CCDC88A: variants seen among roughly 807,000 people sequenced by gnomAD.
CCDC88A encodes coiled-coil and HOOK domain protein 88A.
A neutral mutation model predicts 234.3 loss-of-function variants in CCDC88A; 54 were observed. The ratio of observed to expected loss-of-function variants is 0.23; its 90% CI spans 0.19 to 0.29. The LOEUF is 0.29. CCDC88A is among the 10% of genes least tolerant of loss of function. The pLI is 1.00. For synonymous variants in CCDC88A, 753 were observed against 737.8 expected, an observed-to-expected ratio of 1.02 and a Z score of -0.33; for missense variants, 1,832 against 2,123.4, an observed-to-expected ratio of 0.86 and a Z score of 2.70.
intron 2 of CCDC88A, among the ~76,000 whole-genome samples, chr2:55,412,440 T>C (rs962694571): frequency 6.6e-6 from 1 of 152,188 alleles, no homozygotes; most frequent in Admixed American, 6.5e-5. Flanking sequence ...AGATCAGTGG[T>C]GGGCGGGCAA....
At chr2:55,369,141 TCTC>T (rs1236211265) in intron 5 of CCDC88A, among the ~76,000 whole-genome samples, 1 of 151,728 alleles carries the variant, frequency 6.6e-6, no homozygotes, top group Admixed American at 6.6e-5. Context: ...TTCCAGCAAT[TCTC>T]CTGCCTCAAC....
chr2:55,374,424 C>T (rs931780346), intron 4 of CCDC88A, among the ~76,000 whole-genome samples: 4 of 151,992 alleles, frequency 2.6e-5, no homozygotes, highest in Non-Finnish European at 5.9e-5. Flanking sequence ...AAGATTCAAA[C>T]AATTTTGGCA....
chr2:55,414,609 T>C (rs1681038400), intron 2 of CCDC88A, among the ~76,000 whole-genome samples: 1 of 152,156 alleles, frequency 6.6e-6, no homozygotes, highest in African/African-American at 2.4e-5. Context: ...AAATCTCAAG[T>C]CAGTGAAAAG....
At position 55,346,227 on chromosome 2, in the gene CCDC88A, C is replaced by G; in HGVS notation, c.989G>C (p.Ser330Thr). Residue 330 changes from serine (S) to threonine (T), a missense_variant, in exon 10 of 33, where the codon AGC becomes ACC. Physicochemically the swap from Ser to Thr is moderately conservative, Grantham distance 58. This residue lies in a region of CCDC88A where 1,282 missense variants were observed against 1,543.6 expected (regional missense o/e 0.83). Coordinates refer to ENST00000436346, the MANE Select transcript of CCDC88A (RefSeq NM_001365480.1). ...ATCATGTAGTCTCTCTTTATATCTG[C>G]TGACTTCACTTTCAAGCTTATCGAC... ...VRVDKLESEV[S>T]RYKERLHDIE... 1 of 1,611,584 alleles carries G rather than the reference C, an allele frequency of 6.2e-7. No individual in the cohort carries two copies. Among genetic ancestry groups the G allele is most frequent in the Non-Finnish European group, 8.5e-7 (1 of 1,178,122 alleles).
At chr2:55,313,458 T>C (rs560074688) in intron 22 of CCDC88A, 3 of 152,220 alleles carry the variant, frequency 2.0e-5, no homozygotes, top group Non-Finnish European at 4.4e-5. Flanking sequence ...CAATAGTTGG[T>C]ATTAACAGCT....
Position 55,317,872 on chromosome 2 carries a change from A to C in CCDC88A, c.3325-31T>G, listed in dbSNP as rs773798643. Reference sequence around the variant, plus strand: ...AGAATATATATTGTTATCAGACATAAGAAAAACAGTTCATGTTCTTTTTCA... The same window carrying C: ...AGAATATATATTGTTATCAGACATACGAAAAACAGTTCATGTTCTTTTTCA... On this transcript the variant is annotated intron_variant, in intron 19 of 32. Coordinates refer to ENST00000436346, the MANE Select transcript of CCDC88A (RefSeq NM_001365480.1). The surrounding 1 kb of genome is among the most constrained non-coding windows in gnomAD (Gnocchi z 4.2). 1.4e-6 allele frequency: 2 copies of C among 1,419,594 alleles called. No individual in the cohort carries two copies. Among genetic ancestry groups the C allele is most frequent in the Admixed American group, 4.2e-5 (2 of 47,366 alleles). The allele number at this position is 1,419,594 out of a possible 1,614,324, so 87.9% of individuals were successfully genotyped here.
intron 5 of CCDC88A, among the ~76,000 whole-genome samples, chr2:55,368,306 A>G (rs1211395846): frequency 6.6e-6 from 1 of 152,200 alleles, no homozygotes; most frequent in East Asian, 1.9e-4. Flanking sequence ...ATTAAAAGTC[A>G]TAATTTATTT....
At chr2:55,347,462 A>G (rs182014342) in intron 9 of CCDC88A, among the ~76,000 whole-genome samples, 16 of 152,320 alleles carry the variant, frequency 1.1e-4, no homozygotes, top group Non-Finnish European at 2.2e-4. Flanking sequence ...AGAAACAGCT[A>G]TGAGAATATA....
At chr2:55,303,034 C>A (rs1240452970) in intron 26 of CCDC88A, 35 bp downstream of exon 26, 9 of 1,261,550 alleles carry the variant, frequency 7.1e-6, no homozygotes, top group South Asian at 1.3e-5. Context: ...CCAGTGTAGT[C>A]AGTTGAAAGA....
At chr2:55,358,349 T>C (rs1670859808) in intron 7 of CCDC88A, among the ~76,000 whole-genome samples, 1 of 152,176 alleles carries the variant, frequency 6.6e-6, no homozygotes, top group South Asian at 2.1e-4. Flanking sequence ...TCTATCGCTG[T>C]TATCCTCCTG....
intron 8 of CCDC88A, chr2:55,349,862 A>G (rs1023948898): frequency 3.6e-6 from 1 of 274,954 alleles, no homozygotes; most frequent in Non-Finnish European, 6.6e-6. Context: ...CTCTCTTTTC[A>G]TCTTTCCTGC....
Position 55,297,347 on chromosome 2 carries a change from T to TTATATATAAATATATAATATATAA in CCDC88A, c.4826-825_4826-824insTTATATATTATATATTTATATATA, listed in dbSNP as rs1680244029. Among the ~76,000 whole-genome samples, 3 of 105,818 alleles carry TTATATATAAATATATAATATATAA rather than the reference T, an allele frequency of 2.8e-5. No homozygotes were observed. The South Asian group carries it at 6.8e-4, about 24-fold the overall frequency. The allele number at this position is 105,818 out of a possible 152,430, so 69.4% of individuals were successfully genotyped here. ...AATATATAATATATAAATTTATATA[T>TTATATATAAATATATAATATATAA]TATATATAAATATATATAATATATA... On this transcript the variant is annotated intron_variant, in intron 29 of 32. Coordinates refer to ENST00000436346, the MANE Select transcript of CCDC88A (RefSeq NM_001365480.1).
At chr2:55,388,448 TTA>T (rs552524627) in intron 3 of CCDC88A, 5,125 of 64,236 alleles carry the variant, frequency 0.08, 130 homozygotes, top group South Asian at 0.17. Context: ...GGTTTTTTTT[TTA>T]AAAAAAATGG....
Position 55,389,639 on chromosome 2 carries a change from A to G in CCDC88A, c.165-753T>C, listed in dbSNP as rs575096785. Among the ~76,000 whole-genome samples, 3 of 152,298 alleles carry G rather than the reference A, an allele frequency of 2.0e-5. No individual in the cohort carries two copies. The East Asian group carries it at 5.8e-4, about 29-fold the overall frequency. Reference sequence around the variant, plus strand: ...TTAGAATCTATGGTGCTTTATTTCCATAATTCTCAAACTTTTAGGTCTCAA... The same window carrying G: ...TTAGAATCTATGGTGCTTTATTTCCGTAATTCTCAAACTTTTAGGTCTCAA... On this transcript the variant is annotated intron_variant, in intron 2 of 32. Coordinates refer to ENST00000436346, the MANE Select transcript of CCDC88A (RefSeq NM_001365480.1).
chr2:55,330,304 T>C (rs899714542), intron 16 of CCDC88A: 1 of 151,906 alleles, frequency 6.6e-6, no homozygotes, highest in African/African-American at 2.4e-5. Flanking sequence ...GAGACCAGCC[T>C]GGCCAGTAAA....
intron 13 of CCDC88A, among the ~76,000 whole-genome samples, chr2:55,338,620 T>G (rs1668085240): frequency 6.6e-6 from 1 of 152,234 alleles, no homozygotes; most frequent in Non-Finnish European, 1.5e-5. Context: ...TAAGGGCTAA[T>G]TTCAGAGAAA....
chr2:55,351,621 T>A (rs1463698206), intron 8 of CCDC88A, among the ~76,000 whole-genome samples: 1 of 152,334 alleles, frequency 6.6e-6, no homozygotes, highest in Admixed American at 6.5e-5. Flanking sequence ...GCTGGAATTA[T>A]AGGCGTAAGC....
At position 55,317,289 on chromosome 2, in the gene CCDC88A, T is replaced by C. The variant is rs1683107469; in HGVS notation, c.3663A>G (p.Val1221=). 2 of 1,557,192 alleles carry C rather than the reference T, an allele frequency of 1.3e-6. No homozygotes were observed. Among genetic ancestry groups the C allele is most frequent in the East Asian group, 2.3e-5 (1 of 43,714 alleles). ...QLEDLEKMLK[V]EQEKMLLENK... is the part of the protein sequence containing the mutation. ...TTTCAAGCAGCATTTTTTCCTGTTCTACTTTGAGCATTTTTTCCAAATCTT... is the reference window on the plus strand; with the variant it reads ...TTTCAAGCAGCATTTTTTCCTGTTCCACTTTGAGCATTTTTTCCAAATCTT... Residue 1221 remains valine (V), a synonymous_variant, in exon 21 of 33, where the codon GTA becomes GTG. Transcript: ENST00000436346. The surrounding 1 kb of genome is among the most constrained non-coding windows in gnomAD (Gnocchi z 4.2).
chr2:55,336,043 A>T (rs543631288), intron 14 of CCDC88A, among the ~76,000 whole-genome samples: 1 of 152,092 alleles, frequency 6.6e-6, no homozygotes, highest in South Asian at 2.1e-4. Context: ...AAAATAAAAA[A>T]AAAAATTAAA....
Sources: gnomAD v4.1 joint callset for allele counts (sites outside exome capture counted in the v4.1 genomes callset) on GRCh38, gnomAD v4.1.1 for gene constraint, gnomAD v4.1.1 regional missense constraint, Gnocchi (gnomAD v3.1) non-coding constraint, MANE v1.5 for transcripts, NCBI Gene and HGNC (gene_info 2026-07-23, HGNC 2026-07-21) for gene names.